Variants in TRPM8 observed in about 807,000 individuals in gnomAD.
The protein encoded by TRPM8 is TRPM8 cationic channel.
Under a neutral mutation model 133.7 loss-of-function variants are expected in TRPM8, and 110 were observed. The observed-to-expected ratio is 0.82, with a 90% CI of 0.70 to 0.96. The LOEUF (loss-of-function observed/expected upper bound fraction) is 0.96, where lower values mean the gene tolerates loss of function less well. Among genes scored for constraint, TRPM8 ranks in the 40% least tolerant of loss-of-function variants. TRPM8 has a pLI of 0.00. For missense variants in TRPM8, 1,291 were observed against 1,379.5 expected, an observed-to-expected ratio of 0.94 and a Z score of 1.02; for synonymous variants, 535 against 532.3, an observed-to-expected ratio of 1.01 and a Z score of -0.07.
chr2:233,947,052 G>T, intron 7 of TRPM8, 36 bp from the exon 8 acceptor site: 1 of 1,600,880 alleles, frequency 6.2e-7, no homozygotes, highest in East Asian at 2.2e-5. Flanking sequence ...TATTTCTAAT[G>T]AGCTCAAAAT....
At chr2:233,952,832 C>T (rs1484635467) in intron 9 of TRPM8, among the ~76,000 whole-genome samples, 1 of 152,016 alleles carries the variant, frequency 6.6e-6, no homozygotes, top group Non-Finnish European at 1.5e-5. Flanking sequence ...TTTCCTTCTT[C>T]TTCCTTTTTA....
intron 23 of TRPM8, 49 bp from the exon 24 acceptor site, chr2:234,008,021 C>T (rs1271719992): frequency 1.8e-5 from 29 of 1,585,560 alleles, no homozygotes; most frequent in Non-Finnish European, 2.4e-5. Flanking sequence ...AGCCCTCTCT[C>T]AATCTGTTTT....
intron 8 of TRPM8, 67 bp from the exon 9 acceptor site, chr2:233,949,882 C>G (rs999839606): frequency 1.5e-5 from 23 of 1,499,638 alleles, no homozygotes; most frequent in Non-Finnish European, 2.1e-5. Context: ...GGCTCAGAAC[C>G]TTAGTCCAGA....
At chr2:233,988,898 A>G (rs1692211147) in intron 21 of TRPM8, among the ~76,000 whole-genome samples, 1 of 152,204 alleles carries the variant, frequency 6.6e-6, no homozygotes, top group Non-Finnish European at 1.5e-5. Context: ...AAAACAGACC[A>G]ATCCCAAAAC....
intron 23 of TRPM8, 74 bp from the exon 24 acceptor site, chr2:234,007,996 A>C (rs544649088): frequency 7.0e-7 from 1 of 1,429,740 alleles, no homozygotes; most frequent in Non-Finnish European, 9.7e-7. Flanking sequence ...AAAAGACTGC[A>C]AAATGGAGCC....
chr2:233,983,271 G>T (rs1324785195), intron 20 of TRPM8, 47 bp downstream of exon 20: 1 of 1,611,776 alleles, frequency 6.2e-7, no homozygotes, highest in South Asian at 1.1e-5. Context: ...GGAGGCATTT[G>T]CTCCCTGAAC....
At chr2:233,969,968 G>A (rs1055422545) in intron 16 of TRPM8, 161 bp downstream of exon 16, 2 of 681,284 alleles carry the variant, frequency 2.9e-6, no homozygotes, top group South Asian at 3.7e-5. Context: ...GACTTTTCCT[G>A]GGTTTCCTCT....
Position 233,963,318 on chromosome 2 carries a change from C to T in TRPM8, c.1690C>T (p.Leu564Phe), listed in dbSNP as rs769651448. The T allele has an allele frequency of 4.3e-6, 7 of 1,613,702 alleles. No individual in the cohort carries two copies. The highest frequency in any genetic ancestry group is 5.9e-6 in the Non-Finnish European group (7 of 1,179,802). Reference protein sequence around the residue: ...SPITRHPLQALFIWAILQNKK... With the variant: ...SPITRHPLQAFFIWAILQNKK... The stretch of plus-strand genomic sequence containing the variant: ...TATTACTCGGCACCCCCTGCAAGCT[C>T]TCTTCATCTGGGCCATTCTTCAGAA... The change falls in exon 13 of 26, where the codon CTC (leucine) becomes TTC (phenylalanine). Residue 564 changes from leucine to phenylalanine, a missense_variant. This residue lies in a region of TRPM8 where 963 missense variants were observed against 968.9 expected (regional missense o/e 0.99). Coordinates refer to ENST00000324695, the MANE Select transcript of TRPM8 (RefSeq NM_024080.5).
In TRPM8 at chr2:233,938,980, C is replaced by A. The variant is rs1690832139; in HGVS notation, c.349-18C>A. The A allele has an allele frequency of 6.2e-7, 1 of 1,613,652 alleles. No individual in the cohort carries two copies. Among genetic ancestry groups the A allele is most frequent in the South Asian group, 1.1e-5 (1 of 91,052 alleles). ...AGAACACAGGCCTATCCTGATACTT[C>A]TGCTTCTCTCCCCATAGTATATACG... On this transcript the variant is annotated intron_variant, in intron 4 of 25. Coordinates refer to ENST00000324695, the MANE Select transcript of TRPM8 (RefSeq NM_024080.5).
intron 2 of TRPM8, among the ~76,000 whole-genome samples, chr2:233,927,714 CTT>C (rs1691549425): frequency 6.8e-5 from 1 of 14,644 alleles, no homozygotes; most frequent in Non-Finnish European, 1.1e-4. Context: ...CTGTCTCTTT[CTT>C]TCTTTCTTTC....
At chr2:233,933,532 C>T (rs1184021079) in intron 3 of TRPM8, among the ~76,000 whole-genome samples, 1 of 152,144 alleles carries the variant, frequency 6.6e-6, no homozygotes, top group Admixed American at 6.5e-5. Context: ...TATCTGCACT[C>T]CTAATGTCTT....
intron 6 of TRPM8, 183 bp downstream of exon 6, chr2:233,942,931 G>A: frequency 1.5e-6 from 1 of 645,918 alleles, no homozygotes; most frequent in South Asian, 1.9e-5. Context: ...CTAATTAACT[G>A]CTGGGAAAGA....
intron 12 of TRPM8, among the ~76,000 whole-genome samples, chr2:233,962,724 T>C (rs1208800280): frequency 6.6e-6 from 1 of 152,228 alleles, no homozygotes; most frequent in Non-Finnish European, 1.5e-5. Context: ...TGGTAAAACC[T>C]GTAAAGAAGT....
At chr2:233,937,778 T>C (rs1479745485) in intron 4 of TRPM8, among the ~76,000 whole-genome samples, 1 of 152,174 alleles carries the variant, frequency 6.6e-6, no homozygotes, top group Non-Finnish European at 1.5e-5. Context: ...ACATCCACCT[T>C]GAGCCCTACT....
chr2:233,979,239 C>T (rs532486975), intron 17 of TRPM8, among the ~76,000 whole-genome samples: 41 of 152,296 alleles, frequency 2.7e-4, no homozygotes, highest in Admixed American at 6.5e-4. Context: ...TGTGAATTCA[C>T]GTAGGGCCTC....
At chr2:233,964,155 T>A (rs1414125123) in intron 13 of TRPM8, among the ~76,000 whole-genome samples, 2 of 152,184 alleles carry the variant, frequency 1.3e-5, no homozygotes, top group African/African-American at 4.8e-5. Flanking sequence ...GTGTTGACCA[T>A]ATTCTCTAAC....
Position 233,927,837 on chromosome 2 carries a change from TTCC to T in TRPM8, c.117+1185_117+1187del, listed in dbSNP as rs1288201935. On this transcript the variant is annotated intron_variant, in intron 2 of 25. Transcript: ENST00000324695. The stretch of plus-strand genomic sequence containing the variant: ...CTTCCTTCCTTCCTTCCTTCCTTCC[TTCC>T]TTCCTTCCTTCCTTTCTTTCTCTTT... 1.4e-3 allele frequency among the ~76,000 whole-genome samples: 120 copies of T among 86,424 alleles called. 4 individuals are homozygous for T. Among genetic ancestry groups the T allele is most frequent in the Non-Finnish European group, 2.1e-3 (100 of 47,056 alleles). 56.7% of individuals were successfully genotyped at this position (86,424 alleles called of 152,430 possible).
intron 8 of TRPM8, among the ~76,000 whole-genome samples, chr2:233,948,374 T>C (rs12466401): frequency 0.17 from 26,062 of 152,110 alleles, 2,837 homozygotes; most frequent in African/African-American, 0.29. Context: ...AGTGTTCCAT[T>C]ATTGGAACAC....
At chr2:233,926,838 C>G (rs1365909536) in intron 2 of TRPM8, among the ~76,000 whole-genome samples, 184 bp downstream of exon 2, 1 of 152,180 alleles carries the variant, frequency 6.6e-6, no homozygotes, top group East Asian at 1.9e-4. Flanking sequence ...CCTTCTCCAG[C>G]TCTATGGCCA....
Sources: gnomAD v4.1 joint callset for allele counts (sites outside exome capture counted in the v4.1 genomes callset) on GRCh38, gnomAD v4.1.1 for gene constraint, gnomAD v4.1.1 regional missense constraint, MANE v1.5 for transcripts, NCBI Gene and HGNC (gene_info 2026-07-23, HGNC 2026-07-21) for gene names.